The following TTN variants were observed in gnomAD, a reference collection of about 807,000 sequenced individuals.
The protein encoded by TTN is titin.
Under a neutral mutation model 3,223.0 loss-of-function variants are expected in TTN, and 1,525 were observed. That is an observed-to-expected ratio of 0.47 (90% CI 0.45 to 0.49). The LOEUF is 0.49. Among genes scored for constraint, TTN ranks in the 20% least tolerant of loss-of-function variants. The pLI is 0.00. For synonymous variants in TTN, 14,094 were observed against 15,161.0 expected (o/e 0.93, Z 5.17); for missense variants, 40,786 against 43,424.0 (o/e 0.94, Z 5.40).
chr2:178,724,356 T>A lies in TTN; in HGVS notation c.21019A>T (p.Ile7007Phe), dbSNP rs114626713. The A allele has an allele frequency of 8.1e-4, 1,313 of 1,613,604 alleles. 8 individuals are homozygous for A. The African/African-American group carries it at 0.016, about 20-fold the overall frequency. Residue 7007 changes from isoleucine to phenylalanine, a missense_variant, in exon 72 of 363, where the codon ATT (isoleucine) becomes TTT (phenylalanine). Ile to Phe is a conservative substitution (Grantham distance 21). Transcript: ENST00000589042. ...GCATCTTGCCTTTCAACTGAGAGAA[T>A]CCTTAAGGAAGAGATTTTGTTGTAG... is the stretch of plus-strand genomic sequence containing the variant. ...SFYNKISSLR[I>F]LSVERQDAGT...
intron 207 of TTN, 42 bp downstream of exon 207, chr2:178,651,411 G>T (rs776141718): frequency 4.4e-6 from 7 of 1,601,116 alleles, no homozygotes; most frequent in Non-Finnish European, 4.3e-6. Context: ...AGAAGCTGGG[G>T]GCTCCATCCG....
At chr2:178,745,680 T>C in intron 47 of TTN, 1 of 1,611,830 alleles carries the variant, frequency 6.2e-7, no homozygotes, top group Non-Finnish European at 8.5e-7. Flanking sequence ...ACTAAGCTTG[T>C]TATAAACAGG....
rs1242461429 is a variant in TTN at position 178,595,563 on chromosome 2, A to G, written c.57791T>C (p.Ile19264Thr). 3.2e-6 allele frequency: 5 copies of G among 1,574,548 alleles called. No homozygotes were observed. The highest frequency in any genetic ancestry group is 1.8e-5 in the Admixed American group (1 of 54,254). ...YFFRIAAENS[I>T]GMGPFVETSE... ...TGTCTCAACAAATGGACCCATGCCA[A>G]TACTATTTTCAGCCGCAATTCGGAA... The change falls in exon 295 of 363, where the codon ATT becomes ACT. Residue 19264 changes from isoleucine to threonine, a missense_variant. Transcript: ENST00000589042.
chr2:178,531,527 C>T lies in TTN; in HGVS notation c.105088G>A (p.Asp35030Asn), dbSNP rs1689108955. The T allele has an allele frequency of 5.0e-6, 8 of 1,613,820 alleles. No individual in the cohort carries two copies. Among genetic ancestry groups the T allele is most frequent in the Non-Finnish European group, 6.8e-6 (8 of 1,179,876 alleles). Residue 35030 changes from aspartate to asparagine, a missense_variant, in exon 358 of 363, where the codon GAC becomes AAC. Asp to Asn is a conservative substitution (Grantham distance 23). Transcript: ENST00000589042. ...KGEASDYATLDVTGGDYTTYA... is the reference protein window; with the variant it reads ...KGEASDYATLNVTGGDYTTYA... ...GTGGTATAATCCCCTCCTGTCACGTCCAACGTTGCATAGTCAGAAGCTTCG... is the reference window on the plus strand; with the variant it reads ...GTGGTATAATCCCCTCCTGTCACGTTCAACGTTGCATAGTCAGAAGCTTCG...
chr2:178,694,462 A>G (rs564102490), intron 117 of TTN, 137 bp downstream of exon 117: 1 of 560,740 alleles, frequency 1.8e-6, no homozygotes, highest in African/African-American at 1.9e-5. Context: ...GCAACTCAAC[A>G]TAAAATTTGT....
intron 49 of TTN, 31 bp from the exon 50 acceptor site, chr2:178,736,105 T>A (rs1310776045): frequency 6.6e-7 from 1 of 1,523,446 alleles, no homozygotes; most frequent in Non-Finnish European, 8.8e-7. Flanking sequence ...GCATTACATT[T>A]AGTCCCCACC....
At chr2:178,721,793 C>A in intron 78 of TTN, 54 bp downstream of exon 78, 1 of 1,434,216 alleles carries the variant, frequency 7.0e-7, no homozygotes, top group South Asian at 1.9e-5. Flanking sequence ...TTTTATAAGA[C>A]AATTATGCAA....
intron 358 of TTN, 46 bp downstream of exon 358, chr2:178,530,195 A>G (rs752344149): frequency 6.4e-7 from 1 of 1,561,630 alleles, no homozygotes; most frequent in African/African-American, 1.4e-5. Flanking sequence ...TTAGAAGATA[A>G]AATATTTTAG....
rs759717076 is a variant in TTN at position 178,560,492 on chromosome 2, G to C, written c.85640C>G (p.Pro28547Arg). The C allele has an allele frequency of 3.7e-6, 6 of 1,612,950 alleles. No homozygotes were observed. The highest frequency in any genetic ancestry group is 5.1e-6 in the Non-Finnish European group (6 of 1,179,450). Residue 28547 changes from proline (P) to arginine (R), a missense_variant, in exon 326 of 363, where the codon CCA becomes CGA. Pro to Arg is a moderately radical substitution (Grantham distance 103). Coordinates refer to ENST00000589042, the MANE Select transcript of TTN (RefSeq NM_001267550.2). ...LESVAIKALD[P>R]FTVPSPPTSL... ...CGTGGGTGGACTTGGAACTGTAAAT[G>C]GATCTAGTGCCTTTATAGCTACACT...
intron 47 of TTN, chr2:178,748,540 T>C (rs1361952703): frequency 6.2e-7 from 1 of 1,613,060 alleles, no homozygotes; most frequent in Admixed American, 1.7e-5. Flanking sequence ...GAGAATACAT[T>C]TGTTTTAGAT....
chr2:178,663,858 A>T lies in TTN; in HGVS notation c.36409T>A (p.Leu12137Met). ...ACTTCAGGCTCTTTAGGAGGAGCCAAGGGCACTTTCTCTTCGCGGATAACC... is the reference window on the plus strand; with the variant it reads ...ACTTCAGGCTCTTTAGGAGGAGCCATGGGCACTTTCTCTTCGCGGATAACC... ...KEVIREEKVP[L>M]APPKEPEVPP... is the part of the protein sequence containing the mutation. The change falls in exon 170 of 363, where the codon TTG (leucine) becomes ATG (methionine). Residue 12137 changes from leucine to methionine, a missense_variant. Leu to Met is a conservative substitution (Grantham distance 15, BLOSUM62 2). Transcript: ENST00000589042. 1 of 1,613,032 alleles carries T rather than the reference A, an allele frequency of 6.2e-7. No homozygotes were observed. Among genetic ancestry groups the T allele is most frequent in the Non-Finnish European group, 8.5e-7 (1 of 1,179,714 alleles).
chr2:178,652,889 G>C lies in TTN; in HGVS notation c.38918C>G (p.Pro12973Arg). 3.1e-6 allele frequency: 5 copies of C among 1,611,120 alleles called. No individual in the cohort carries two copies. The highest frequency in any genetic ancestry group is 4.2e-6 in the Non-Finnish European group (5 of 1,178,980). ...TTCAGGCTTTTTAGGAGGAGCCAAG[G>C]GCATTTTCTTTTCAGGAACAACCTC... The part of the protein sequence containing the change: ...PIEVVPEKKM[P>R]LAPPKKPEVP... The change falls in exon 200 of 363, where the codon CCC becomes CGC. Residue 12973 changes from proline to arginine, a missense_variant. Coordinates refer to ENST00000589042, the MANE Select transcript of TTN (RefSeq NM_001267550.2).
chr2:178,725,242 A>G (rs2079130848), intron 71 of TTN, 126 bp downstream of exon 71: 1 of 1,066,818 alleles, frequency 9.4e-7, no homozygotes, highest in Non-Finnish European at 1.2e-6. Flanking sequence ...TCTTTCCTCT[A>G]GACCTTTCAA....
chr2:178,680,329 G>A lies in TTN; in HGVS notation c.33343C>T (p.Pro11115Ser). Reference sequence around the variant, plus strand: ...GCGACAACCCTCTTGGGCTTCATGGGCACTTGAAATATGAAGTATAAGGAA... The same window carrying A: ...GCGACAACCCTCTTGGGCTTCATGGACACTTGAAATATGAAGTATAAGGAA... Reference protein sequence around the residue: ...EQVTEPAAKVPMKPKRVVAEE... With the variant: ...EQVTEPAAKVSMKPKRVVAEE... The change falls in exon 139 of 363, where the codon CCC (proline) becomes TCC (serine). Residue 11115 changes from proline (P) to serine (S), a missense_variant and splice_region_variant. Coordinates refer to ENST00000589042, the MANE Select transcript of TTN (RefSeq NM_001267550.2). 2 of 1,607,180 alleles carry A rather than the reference G, an allele frequency of 1.2e-6. No individual in the cohort carries two copies. The highest frequency in any genetic ancestry group is 1.7e-6 in the Non-Finnish European group (2 of 1,177,964).
chr2:178,691,122 G>A (rs1475578316), intron 121 of TTN, among the ~76,000 whole-genome samples: 4 of 152,144 alleles, frequency 2.6e-5, no homozygotes, highest in South Asian at 4.1e-4. Context: ...TTGAGAAAGA[G>A]AGAAGCATAT....
Position 178,532,237 on chromosome 2 carries a change from A to G in TTN, c.104378T>C (p.Met34793Thr), listed in dbSNP as rs780378332. Reference protein sequence around the residue: ...LSEYKSELDFMSKEEKSRKKS... With the variant: ...LSEYKSELDFTSKEEKSRKKS... ...CTTTCTAGACTTTTCCTCCTTTGAC[A>G]TGAAGTCAAGTTCGCTTTTGTATTC... The change falls in exon 358 of 363, where the codon ATG becomes ACG. Residue 34793 changes from methionine to threonine, a missense_variant. Met to Thr is a moderately conservative substitution (Grantham distance 81). Transcript: ENST00000589042. 2.5e-6 allele frequency: 4 copies of G among 1,613,614 alleles called. No homozygotes were observed. The highest frequency in any genetic ancestry group is 1.6e-4 in the Middle Eastern group (1 of 6,062).
chr2:178,731,616 T>C, intron 58 of TTN, 33 bp from the exon 59 acceptor site: 1 of 1,574,134 alleles, frequency 6.4e-7, no homozygotes, highest in Non-Finnish European at 8.6e-7. Flanking sequence ...ATCAATATTA[T>C]CCCTATAGCA....
At position 178,572,366 on chromosome 2, in the gene TTN, T is replaced by TAGCTAC; in HGVS notation, c.73760_73765dup (p.Cys24587_Ser24588dup). On this transcript the variant is annotated inframe_insertion, in exon 326 of 363. Transcript: ENST00000589042. ...ATTTTCTGCGAGAACCCTGAAATAG[T>TAGCTAC]AGCTACAGCCTTCTTGAAGCTGGTC... 1 of 1,612,706 alleles carries TAGCTAC rather than the reference T, an allele frequency of 6.2e-7. No individual in the cohort carries two copies. Among genetic ancestry groups the TAGCTAC allele is most frequent in the Non-Finnish European group, 8.5e-7 (1 of 1,178,964 alleles).
chr2:178,746,455 T>C (rs778393183), intron 47 of TTN: 11 of 1,612,194 alleles, frequency 6.8e-6, no homozygotes, highest in Non-Finnish European at 9.3e-6. Flanking sequence ...TTTCACTTAA[T>C]TCAACTTCCA....
Sources: allele counts gnomAD v4.1 joint callset (sites outside exome capture counted in the v4.1 genomes callset), GRCh38; gene constraint gnomAD v4.1.1; transcripts MANE v1.5; gene names NCBI Gene and HGNC (gene_info 2026-07-23, HGNC 2026-07-21).